The following PCGF5 variants were observed in gnomAD, a reference collection of about 807,000 sequenced individuals.
The protein encoded by PCGF5 is polycomb group RING finger protein 5.
Under a neutral mutation model 44.3 loss-of-function variants are expected in PCGF5, and 9 were observed. The observed-to-expected ratio is 0.20, with a 90% CI of 0.12 to 0.35. The LOEUF (loss-of-function observed/expected upper bound fraction) is 0.35, where lower values mean the gene tolerates loss of function less well. PCGF5 is among the 10% of genes least tolerant of loss of function. The pLI is 1.00. For synonymous variants in PCGF5, 95 were observed against 102.5 expected, an observed-to-expected ratio of 0.93 and a Z score of 0.44; for missense variants, 146 against 305.3, an observed-to-expected ratio of 0.48 and a Z score of 3.89.
intron 1 of PCGF5, among the ~76,000 whole-genome samples, chr10:91,210,348 T>C (rs1306593667): frequency 6.6e-6 from 1 of 152,214 alleles, no homozygotes; most frequent in African/African-American, 2.4e-5. Flanking sequence ...ATGTATATGT[T>C]ATAGAAGGGT....
chr10:91,257,352 A>G (rs1845781537), intron 6 of PCGF5, among the ~76,000 whole-genome samples: 1 of 152,072 alleles, frequency 6.6e-6, no homozygotes, highest in African/African-American at 2.4e-5. Context: ...ATACGTTGCT[A>G]GTGGGAAGGT....
chr10:91,182,686 A>G (rs977147537), intron 1 of PCGF5, among the ~76,000 whole-genome samples: 9 of 152,218 alleles, frequency 5.9e-5, no homozygotes, highest in African/African-American at 2.4e-5. Flanking sequence ...ATTTAGTGCT[A>G]TAAATTTCCC....
At chr10:91,204,173 T>C (rs1388040553) in intron 1 of PCGF5, among the ~76,000 whole-genome samples, 1 of 152,200 alleles carries the variant, frequency 6.6e-6, no homozygotes, top group East Asian at 1.9e-4. Context: ...TTTGCATAAG[T>C]TTATGTCTAC....
intron 5 of PCGF5, among the ~76,000 whole-genome samples, chr10:91,250,524 T>C (rs1017449706): frequency 5.3e-5 from 8 of 151,184 alleles, no homozygotes; most frequent in African/African-American, 1.7e-4. Flanking sequence ...AGCTTGCCTT[T>C]ATTTGATTCC....
chr10:91,191,666 A>T (rs1162781608), intron 1 of PCGF5, among the ~76,000 whole-genome samples: 1 of 152,126 alleles, frequency 6.6e-6, no homozygotes. Flanking sequence ...CAGTACAGTG[A>T]TGTCCTATGT....
In PCGF5 at chr10:91,163,812, G is replaced by T. The variant is rs565138424; in HGVS notation, c.-184+731G>T. On this transcript the variant is annotated intron_variant, in intron 1 of 9. Coordinates refer to the PCGF5 transcript ENST00000614189. ...TGTACGCCCTCCGCGCCCCCTGCGG[G>T]CGCTGCCCGCGCGCGTGCCGGGGTG... 1.5e-3 allele frequency among the ~76,000 whole-genome samples: 224 copies of T among 151,638 alleles called. 1 individual carries two copies. Among genetic ancestry groups the T allele is most frequent in the African/African-American group, 5.0e-3 (209 of 41,466 alleles).
chr10:91,205,311 G>A (rs575506800), intron 1 of PCGF5, among the ~76,000 whole-genome samples: 38 of 141,662 alleles, frequency 2.7e-4, no homozygotes, highest in African/African-American at 8.7e-4. Flanking sequence ...ACACACACAC[G>A]GCCCAGCTAA....
chr10:91,174,837 C>T (rs1478406980), intron 1 of PCGF5, among the ~76,000 whole-genome samples: 2 of 152,174 alleles, frequency 1.3e-5, no homozygotes, highest in Non-Finnish European at 2.9e-5. Flanking sequence ...GGATGGAACG[C>T]ATGTGTTTAC....
Position 91,278,838 on chromosome 10 carries a change from A to C in PCGF5, c.*522A>C, listed in dbSNP as rs1456849624. The C allele has an allele frequency of 6.5e-6, 1 of 153,622 alleles. No homozygotes were observed. Among genetic ancestry groups the C allele is most frequent in the Admixed American group, 6.5e-5 (1 of 15,438 alleles). 9.5% of individuals were successfully genotyped at this position (153,622 alleles called of 1,614,324 possible). A position where few individuals can be genotyped will look rare whatever the true frequency, so the allele number is the denominator to read the frequency against. On this transcript the variant is annotated 3_prime_UTR_variant, in exon 10 of 10. Transcript: ENST00000336126. ...TTGATAAGCTTTTTGTGTGAAAAAA[A>C]GTTCATTCTTGAGTGTGCAAGTCCT... is the stretch of plus-strand genomic sequence containing the variant.
At chr10:91,209,984 C>T (rs1012969820) in intron 1 of PCGF5, among the ~76,000 whole-genome samples, 2 of 152,106 alleles carry the variant, frequency 1.3e-5, no homozygotes, top group Non-Finnish European at 2.9e-5. Context: ...TTTATTTGTT[C>T]CTTTTAATCT....
At chr10:91,226,787 T>C (rs1844852205) in intron 2 of PCGF5, among the ~76,000 whole-genome samples, 1 of 152,012 alleles carries the variant, frequency 6.6e-6, no homozygotes, top group Non-Finnish European at 1.5e-5. Context: ...ATGCAAAAAA[T>C]CACATCATCA....
At chr10:91,186,205 T>G (rs1056426256) in intron 1 of PCGF5, among the ~76,000 whole-genome samples, 1 of 152,238 alleles carries the variant, frequency 6.6e-6, no homozygotes, top group African/African-American at 2.4e-5. Flanking sequence ...ACCCTCAGGT[T>G]GCCCTCAAGT....
intron 2 of PCGF5, among the ~76,000 whole-genome samples, chr10:91,226,536 T>C (rs1353607764): frequency 1.3e-5 from 2 of 152,160 alleles, no homozygotes; most frequent in Non-Finnish European, 2.9e-5. Context: ...TGCTTTGATA[T>C]GGGTAAATGA....
intron 2 of PCGF5, among the ~76,000 whole-genome samples, chr10:91,226,700 G>C (rs926055733): frequency 6.6e-6 from 1 of 151,514 alleles, no homozygotes; most frequent in Non-Finnish European, 1.5e-5. Context: ...GATATAGAAA[G>C]AAGGGCCCAA....
chr10:91,218,745 G>C (rs962823994), upstream of PCGF5, among the ~76,000 whole-genome samples: 2 of 152,044 alleles, frequency 1.3e-5, no homozygotes, highest in Non-Finnish European at 2.9e-5. Flanking sequence ...CGATTCTCCT[G>C]CCTCTGCCTC....
chr10:91,230,076 T>A (rs888265135), intron 2 of PCGF5, among the ~76,000 whole-genome samples: 1 of 152,220 alleles, frequency 6.6e-6, no homozygotes, highest in African/African-American at 2.4e-5. Context: ...TTCGTTTAGC[T>A]TTTGAAACTA....
At chr10:91,257,624 G>A (rs1396021114) in intron 6 of PCGF5, among the ~76,000 whole-genome samples, 1 of 152,080 alleles carries the variant, frequency 6.6e-6, no homozygotes, top group Non-Finnish European at 1.5e-5. Flanking sequence ...ACAAAGGGAG[G>A]ATTCACAACC....
upstream of PCGF5, among the ~76,000 whole-genome samples, chr10:91,158,996 G>C (rs1843349303): frequency 6.6e-6 from 1 of 152,180 alleles, no homozygotes. Context: ...GCTGAGGACT[G>C]GTGGGGGGAT....
At chr10:91,212,761 CT>C (rs2133254951) in intron 1 of PCGF5, among the ~76,000 whole-genome samples, 1 of 152,304 alleles carries the variant, frequency 6.6e-6, no homozygotes, top group Non-Finnish European at 1.5e-5. Context: ...TTTTAATACC[CT>C]TGCTTAAAGT....
Sources: allele counts gnomAD v4.1 joint callset (sites outside exome capture counted in the v4.1 genomes callset), GRCh38; gene constraint gnomAD v4.1.1; transcripts MANE v1.5; gene names NCBI Gene and HGNC (gene_info 2026-07-23, HGNC 2026-07-21).